The following SCRIB variants were observed in gnomAD, a reference collection of about 807,000 sequenced individuals.
SCRIB encodes the protein scribble planar cell polarity protein, also known as protein scribble homolog.
In SCRIB, 72 loss-of-function variants were observed where a neutral mutation model predicts 170.0. That is an observed-to-expected ratio of 0.42 (90% CI 0.35 to 0.52). The LOEUF (loss-of-function observed/expected upper bound fraction) is 0.52, where lower values mean the gene tolerates loss of function less well. SCRIB is among the 20% of genes least tolerant of loss of function. The probability of loss-of-function intolerance (pLI) is 0.02; values close to 1 mark genes in which losing one functional copy is unlikely to be tolerated. For missense variants in SCRIB, 2,475 were observed against 2,338.5 expected, an observed-to-expected ratio of 1.06 and a Z score of -1.20; for synonymous variants, 1,298 against 1,044.3, an observed-to-expected ratio of 1.24 and a Z score of -4.68.
intron 24 of SCRIB, among the ~76,000 whole-genome samples, chr8:143,796,334 C>T (rs756091431): frequency 1.8e-4 from 27 of 152,198 alleles, no homozygotes; most frequent in Non-Finnish European, 2.9e-4. Context: ...TTGCTCACCG[C>T]CCTCATCACA....
In SCRIB at chr8:143,810,765, G is replaced by A. The variant is rs759720569; in HGVS notation, c.1325C>T (p.Pro442Leu). ...SLSETWSDAPPSRVSVIQFLE... is the reference protein window; with the variant it reads ...SLSETWSDAPLSRVSVIQFLE... ...GAACTGGATGACGCTGACGCGGCTC[G>A]GCGGGGCATCGCTCCAGGTCTCCGA... Residue 442 changes from proline (P) to leucine (L), a missense_variant, in exon 12 of 37, where the codon CCG becomes CTG. Physicochemically the swap from Pro to Leu is moderately conservative, Grantham distance 98. Around this residue, in one of 3 missense-constraint regions of SCRIB, gnomAD observed 1,966 missense variants for 1,742.9 expected, o/e 1.13. Coordinates refer to ENST00000356994, the MANE Select transcript of SCRIB (RefSeq NM_182706.5). 1.0e-5 allele frequency: 16 copies of A among 1,606,134 alleles called. No individual in the cohort carries two copies. Among genetic ancestry groups the A allele is most frequent in the South Asian group, 8.8e-5 (8 of 90,930 alleles).
intron 24 of SCRIB, among the ~76,000 whole-genome samples, chr8:143,796,151 C>T (rs1286899320): frequency 2.0e-5 from 3 of 152,164 alleles, no homozygotes; most frequent in South Asian, 2.1e-4. Flanking sequence ...CAGGCAGGGG[C>T]TTCTGGTTGG....
chr8:143,805,053 G>T (rs1815356879), intron 19 of SCRIB, 39 bp from the exon 20 acceptor site: 1 of 1,581,992 alleles, frequency 6.3e-7, no homozygotes, highest in Non-Finnish European at 8.6e-7. Flanking sequence ...TGCCGGTGAG[G>T]CTGGAGTGCG....
In SCRIB at chr8:143,792,757, G is replaced by A. The variant is rs782729873; in HGVS notation, c.4128C>T (p.Arg1376=). The A allele has an allele frequency of 1.5e-5, 24 of 1,588,354 alleles. No homozygotes were observed. The highest frequency in any genetic ancestry group is 5.4e-5 in the African/African-American group (4 of 74,476). ...GGTCGTCAGCACCCACCAGGGACACGCGCTTAGGGGGGCCCTCGGCCTGGG... is the reference window on the plus strand; with the variant it reads ...GGTCGTCAGCACCCACCAGGGACACACGCTTAGGGGGGCCCTCGGCCTGGG... ...RVPQAEGPPK[R]VSLVGADDLR... Residue 1376 remains arginine (R), a synonymous_variant, in exon 30 of 37, where the codon CGC becomes CGT. Transcript: ENST00000356994.
chr8:143,801,491 C>G (rs1017743285), intron 24 of SCRIB, among the ~76,000 whole-genome samples: 2 of 152,110 alleles, frequency 1.3e-5, no homozygotes, highest in African/African-American at 2.4e-5. Flanking sequence ...CATAAAGAAC[C>G]CAGAAGACTT....
rs782057586 is a variant in SCRIB at position 143,805,213 on chromosome 8, G to A, written c.2569C>T (p.Leu857Phe). The change falls in exon 19 of 37, where the codon CTC (leucine) becomes TTC (phenylalanine). Residue 857 changes from leucine to phenylalanine, a missense_variant. This residue lies in a region of SCRIB where 1,966 missense variants were observed against 1,742.9 expected (regional missense o/e 1.13). Transcript: ENST00000356994. Reference protein sequence around the residue: ...PLLPPESPGPLRQRHVACLAR... With the variant: ...PLLPPESPGPFRQRHVACLAR... ...AGGCAGGCCACGTGGCGCTGACGGA[G>A]GGGCCCGGGGCTCTCAGGCGGGAGC... is the stretch of plus-strand genomic sequence containing the variant. The A allele has an allele frequency of 1.9e-6, 3 of 1,555,292 alleles. No individual in the cohort carries two copies. The highest frequency in any genetic ancestry group is 2.6e-6 in the Non-Finnish European group (3 of 1,154,976).
intron 28 of SCRIB, chr8:143,793,699 C>CT: frequency 3.7e-6 from 2 of 539,752 alleles, no homozygotes; most frequent in Non-Finnish European, 6.6e-6. Flanking sequence ...CCCACCCCAT[C>CT]GCCAGGCAGC....
At chr8:143,812,700 C>A in intron 8 of SCRIB, 117 bp downstream of exon 8, 3 of 1,371,216 alleles carry the variant, frequency 2.2e-6, no homozygotes, top group Non-Finnish European at 3.0e-6. Flanking sequence ...GCTCCCAGAG[C>A]CTGGGCACAC....
chr8:143,791,813 G>A (rs1465867604), intron 34 of SCRIB, 63 bp downstream of exon 34: 4 of 1,400,556 alleles, frequency 2.9e-6, no homozygotes, highest in Admixed American at 4.0e-5. Flanking sequence ...GGGGGTGGGG[G>A]CAGGCCAGAC....
At chr8:143,812,160 TCAGGCTGCCAC>T in intron 9 of SCRIB, 95 bp downstream of exon 9, 1 of 807,602 alleles carries the variant, frequency 1.2e-6, no homozygotes, top group East Asian at 2.4e-5. Flanking sequence ...TGGCTCCACG[TCAGGCTGCCAC>T]CAGCACCCCC....
Position 143,803,671 on chromosome 8 carries a change from T to C in SCRIB, c.3390A>G (p.Thr1130=), listed in dbSNP as rs782817385. The change falls in exon 23 of 37, where the codon ACA becomes ACG. Residue 1130 remains threonine, a synonymous_variant. Coordinates refer to ENST00000356994, the MANE Select transcript of SCRIB (RefSeq NM_182706.5). ...CCTTGGAGATGAAGATGCCCTCGTC[T>C]GTGGGGTCGCGGGGGTTGCCAGCGT... ...RGHAGNPRDP[T]DEGIFISKVS... is the part of the protein sequence containing the mutation. 1 of 1,569,548 alleles carries C rather than the reference T, an allele frequency of 6.4e-7. No individual in the cohort carries two copies. The highest frequency in any genetic ancestry group is 1.2e-5 in the South Asian group (1 of 86,910).
chr8:143,792,330 C>G lies in SCRIB; in HGVS notation c.4404G>C (p.Gln1468His), dbSNP rs1554633017. ...VRTAKAERRH[Q>H]ERLRVQSPEP... ...CCGGACTCTGCACGCGCAGCCGCTC[C>G]TGGTGGCGCCGTTCAGCTTTGGCCG... The change falls in exon 32 of 37, where the codon CAG becomes CAC. Residue 1468 changes from glutamine (Q) to histidine (H), a missense_variant. This residue lies in a region of SCRIB where 1,966 missense variants were observed against 1,742.9 expected (regional missense o/e 1.13). Coordinates refer to ENST00000356994, the MANE Select transcript of SCRIB (RefSeq NM_182706.5). 3.2e-6 allele frequency: 5 copies of G among 1,547,492 alleles called. No individual in the cohort carries two copies. In the Admixed American group the frequency reaches 7.6e-5, roughly 24 times the overall value.
In SCRIB at chr8:143,803,466, C is replaced by T. The variant is rs371267362; in HGVS notation, c.3520G>A (p.Val1174Met). Residue 1174 changes from valine (V) to methionine (M), a missense_variant, in exon 24 of 37, where the codon GTG becomes ATG. Transcript: ENST00000356994. ...SLLGLTHGEAVQLLRSVGDTL... is the reference protein window; with the variant it reads ...SLLGLTHGEAMQLLRSVGDTL... ...TCGCCCACACTGCGGAGCAGCTGCACCGCCTCGCCGTGCGTCAGGCCCAGC... is the reference window on the plus strand; with the variant it reads ...TCGCCCACACTGCGGAGCAGCTGCATCGCCTCGCCGTGCGTCAGGCCCAGC... The T allele has an allele frequency of 1.3e-6, 2 of 1,598,798 alleles. No individual in the cohort carries two copies. The highest frequency in any genetic ancestry group is 1.7e-6 in the Non-Finnish European group (2 of 1,178,788).
rs1371492086 is a variant in SCRIB at position 143,810,955 on chromosome 8, C to T, written c.1224G>A (p.Glu408=). The change falls in exon 11 of 37, where the codon GAG becomes GAA. Residue 408 remains glutamate (E), a synonymous_variant. Coordinates refer to ENST00000356994, the MANE Select transcript of SCRIB (RefSeq NM_182706.5). ...GCAGCAAGTAGCAGGTGAGCACCTT[C>T]TCGCCGGTCCGGGCATCATCCTCCG... ...FQTEDDARTG[E]KVLTCYLLPQ... The T allele has an allele frequency of 2.5e-6, 4 of 1,611,832 alleles. No homozygotes were observed. The East Asian group carries it at 8.9e-5, about 36-fold the overall frequency.
At chr8:143,812,167 G>A in intron 9 of SCRIB, 99 bp downstream of exon 9, 4 of 838,370 alleles carry the variant, frequency 4.8e-6, no homozygotes, top group Non-Finnish European at 8.4e-6. Context: ...ACGTCAGGCT[G>A]CCACCAGCAC....
chr8:143,808,084 G>A (rs1187419039), intron 15 of SCRIB, among the ~76,000 whole-genome samples: 1 of 152,200 alleles, frequency 6.6e-6, no homozygotes, highest in African/African-American at 2.4e-5. Flanking sequence ...AGCCATCAGG[G>A]CCTCGGGCCT....
In SCRIB at chr8:143,806,400, G is replaced by A. The variant is rs377401108; in HGVS notation, c.2346+7C>T. 184 of 1,598,746 alleles carry A rather than the reference G, an allele frequency of 1.2e-4. 2 individuals are homozygous for A. The Admixed American group carries it at 1.5e-3, about 13-fold the overall frequency. ...TGCCACTCGGGGCGGAGAGGTTGCC[G>A]ACTCACCTCCAGGAGCTTGTCACCC... On this transcript the variant is annotated splice_region_variant and intron_variant, in intron 18 of 36. Coordinates refer to ENST00000356994, the MANE Select transcript of SCRIB (RefSeq NM_182706.5).
rs1814754590 is a variant in SCRIB at position 143,792,692 on chromosome 8, C to A, written c.4177+16G>T. The A allele has an allele frequency of 6.3e-7, 1 of 1,587,216 alleles. No homozygotes were observed. On this transcript the variant is annotated intron_variant, in intron 30 of 36. Coordinates refer to ENST00000356994, the MANE Select transcript of SCRIB (RefSeq NM_182706.5). ...CAGCCGAGACCCAACCCCCACCCCACTTCCGTGCCCCTCACCTTCCTCCTC... is the reference window on the plus strand; with the variant it reads ...CAGCCGAGACCCAACCCCCACCCCAATTCCGTGCCCCTCACCTTCCTCCTC...
chr8:143,808,108 C>T (rs1351458228), intron 15 of SCRIB, among the ~76,000 whole-genome samples: 1 of 152,166 alleles, frequency 6.6e-6, no homozygotes, highest in Non-Finnish European at 1.5e-5. Flanking sequence ...GTGCCCAACA[C>T]AAGAGAGGAT....
Sources: gnomAD v4.1 joint callset for allele counts (sites outside exome capture counted in the v4.1 genomes callset) on GRCh38, gnomAD v4.1.1 for gene constraint, gnomAD v4.1.1 regional missense constraint, MANE v1.5 for transcripts, NCBI Gene and HGNC (gene_info 2026-07-23, HGNC 2026-07-21) for gene names.